Variants in DLGAP2 observed in about 807,000 individuals in gnomAD.
The protein encoded by DLGAP2 is disks large-associated protein 2.
In DLGAP2, 26 loss-of-function variants were observed where a neutral mutation model predicts 100.3. That is an observed-to-expected ratio of 0.26 (90% CI 0.19 to 0.36). The LOEUF is 0.36. Ranked by LOEUF, DLGAP2 falls within the 10% of genes least tolerant of loss-of-function variation. The probability of loss-of-function intolerance (pLI) is 1.00; values close to 1 mark genes in which losing one functional copy is unlikely to be tolerated. For missense variants in DLGAP2, 1,858 were observed against 1,453.2 expected (o/e 1.28, Z -4.53); for synonymous variants, 886 against 630.1 (o/e 1.41, Z -6.08).
chr8:1,269,415 C>G (rs13268535), intron 3 of DLGAP2, among the ~76,000 whole-genome samples: 15,326 of 152,222 alleles, frequency 0.1, 1,048 homozygotes, highest in Middle Eastern at 0.14. Flanking sequence ...GAGCCTAGGT[C>G]AGAGCCATCC....
At chr8:857,106 C>G (rs1049401766) in intron 1 of DLGAP2, among the ~76,000 whole-genome samples, 2 of 152,180 alleles carry the variant, frequency 1.3e-5, no homozygotes, top group African/African-American at 2.4e-5. Flanking sequence ...GGAGGAAAGG[C>G]CATTCAATGG....
intron 3 of DLGAP2, among the ~76,000 whole-genome samples, chr8:1,267,106 C>T (rs910014117): frequency 1.3e-5 from 2 of 151,750 alleles, no homozygotes; most frequent in African/African-American, 4.8e-5. Context: ...GGGGTGGGTG[C>T]CTGTAGTCCC....
intron 2 of DLGAP2, among the ~76,000 whole-genome samples, chr8:1,044,768 C>T (rs1331982769): frequency 6.6e-6 from 1 of 152,168 alleles, no homozygotes; most frequent in African/African-American, 2.4e-5. Context: ...GCTCCATACC[C>T]CCTCGCTATG....
intron 1 of DLGAP2, among the ~76,000 whole-genome samples, chr8:751,046 C>A (rs1272038211): frequency 1.6e-4 from 25 of 151,758 alleles, no homozygotes; most frequent in Admixed American, 1.4e-3. Flanking sequence ...CGGAAAGGAG[C>A]ATTTTCCTGG....
chr8:845,602 T>C (rs1797058044), intron 1 of DLGAP2, among the ~76,000 whole-genome samples: 1 of 152,236 alleles, frequency 6.6e-6, no homozygotes, highest in Admixed American at 6.5e-5. Flanking sequence ...TCCCATTCTA[T>C]AGGGTGTGTT....
At chr8:780,255 G>A (rs1003262052) in intron 1 of DLGAP2, among the ~76,000 whole-genome samples, 1 of 152,044 alleles carries the variant, frequency 6.6e-6, no homozygotes, top group Admixed American at 6.6e-5. Flanking sequence ...CTGTCTTTAT[G>A]TGCCTGGCTT....
chr8:759,161 CACAGCCTTCCCGTTATCAATACCCCCG>C (rs1821004430), intron 1 of DLGAP2, among the ~76,000 whole-genome samples: 1 of 76,636 alleles, frequency 1.3e-5, no homozygotes, highest in Non-Finnish European at 2.7e-5. Context: ...CAATACCCCC[CACAGCCTTCCCGTTATCAATACCCCCG>C]ACAGCCTTCC....
At chr8:813,562 G>A (rs1014864666) in intron 1 of DLGAP2, among the ~76,000 whole-genome samples, 41 of 152,064 alleles carry the variant, frequency 2.7e-4, no homozygotes, top group African/African-American at 9.9e-4. Flanking sequence ...TCAAAACTGA[G>A]GAATAAACAG....
chr8:794,931 C>T (rs1351201395), intron 1 of DLGAP2, among the ~76,000 whole-genome samples: 1 of 152,140 alleles, frequency 6.6e-6, no homozygotes, highest in Non-Finnish European at 1.5e-5. Context: ...GGATGAGCTG[C>T]CATTTGTGTT....
At chr8:1,218,499 G>GGT (rs554088611) in intron 2 of DLGAP2, among the ~76,000 whole-genome samples, 24 of 151,582 alleles carry the variant, frequency 1.6e-4, no homozygotes, top group African/African-American at 5.3e-4. Context: ...GTTTAGTTTT[G>GGT]TTTTTTTACC....
At chr8:1,588,428 T>C (rs1331150298) in intron 6 of DLGAP2, among the ~76,000 whole-genome samples, 1 of 152,218 alleles carries the variant, frequency 6.6e-6, no homozygotes, top group Non-Finnish European at 1.5e-5. Flanking sequence ...TCATCTTATA[T>C]GTAATTCTCC....
rs1258233887 is a variant in DLGAP2, at chr8:1,629,143, G to C, written c.1590+2256G>C. 1.1e-4 allele frequency among the ~76,000 whole-genome samples: 16 copies of C among 152,292 alleles called. No homozygotes were observed. In the East Asian group the frequency reaches 2.5e-3, roughly 24 times the overall value. ...GCCGCAGACTTTAAATTCCTCATGA[G>C]GTAGAGTCTATTCATTTTGCAGGTT... On this transcript the variant is annotated intron_variant, in intron 7 of 14. Coordinates refer to ENST00000637795, the MANE Select transcript of DLGAP2 (RefSeq NM_001346810.2).
At chr8:1,505,550 A>G (rs73672749) in intron 4 of DLGAP2, among the ~76,000 whole-genome samples, 3,272 of 152,322 alleles carry the variant, frequency 0.021, 113 homozygotes, top group African/African-American at 0.073. Flanking sequence ...TGAAGCTCAT[A>G]GAGTGTAATG....
At chr8:901,058 A>T (rs1226281940) in intron 1 of DLGAP2, among the ~76,000 whole-genome samples, 1 of 152,212 alleles carries the variant, frequency 6.6e-6, no homozygotes, top group Non-Finnish European at 1.5e-5. Flanking sequence ...TAGGAGGCTG[A>T]GGCAGGAAGA....
chr8:829,436 G>A (rs1796741606), intron 1 of DLGAP2, among the ~76,000 whole-genome samples: 1 of 152,126 alleles, frequency 6.6e-6, no homozygotes, highest in Non-Finnish European at 1.5e-5. Context: ...GGTATGGGAT[G>A]ATGAATACCC....
At chr8:747,460 G>A (rs1820652881) in intron 1 of DLGAP2, among the ~76,000 whole-genome samples, 1 of 150,650 alleles carries the variant, frequency 6.6e-6, no homozygotes. Context: ...GAAAAGCAAG[G>A]CGGAGAGGCT....
At chr8:1,161,543 A>G (rs796109309) in intron 2 of DLGAP2, among the ~76,000 whole-genome samples, 37 of 152,328 alleles carry the variant, frequency 2.4e-4, no homozygotes, top group African/African-American at 8.9e-4. Flanking sequence ...TAGCAGACAC[A>G]CACTCACATT....
At chr8:1,482,189 G>C (rs926430226) in intron 3 of DLGAP2, among the ~76,000 whole-genome samples, 9 of 152,246 alleles carry the variant, frequency 5.9e-5, no homozygotes, top group Non-Finnish European at 1.0e-4. Context: ...TTGAGAACGT[G>C]TGGGTTTTAA....
chr8:900,138 C>T (rs779095187), intron 1 of DLGAP2, among the ~76,000 whole-genome samples: 33 of 151,424 alleles, frequency 2.2e-4, no homozygotes, highest in Non-Finnish European at 2.9e-4. Context: ...CCTGGGTGGA[C>T]GGTGGTGCCC....
Sources: gnomAD v4.1 joint callset for allele counts (sites outside exome capture counted in the v4.1 genomes callset) on GRCh38, gnomAD v4.1.1 for gene constraint, MANE v1.5 for transcripts, NCBI Gene and HGNC (gene_info 2026-07-23, HGNC 2026-07-21) for gene names.